NAALADL2: variants seen among roughly 807,000 people sequenced by gnomAD.
The protein encoded by NAALADL2 is N-acetylated alpha-linked acidic dipeptidase like 2.
NAALADL2 carries 76 observed loss-of-function variants against 87.2 expected under a neutral mutation model. That is an observed-to-expected ratio of 0.87 (90% CI 0.72 to 1.05). The LOEUF (loss-of-function observed/expected upper bound fraction) is 1.05, where lower values mean the gene tolerates loss of function less well. Among genes scored for constraint, NAALADL2 ranks in the 50% least tolerant of loss-of-function variants. NAALADL2 has a pLI of 0.00. For synonymous variants in NAALADL2, 354 were observed against 331.0 expected, an observed-to-expected ratio of 1.07 and a Z score of -0.75; for missense variants, 1,089 against 945.8, an observed-to-expected ratio of 1.15 and a Z score of -1.99.
At chr3:175,076,566 A>C (rs1320822833) in intron 1 of NAALADL2, among the ~76,000 whole-genome samples, 1 of 152,152 alleles carries the variant, frequency 6.6e-6, no homozygotes, top group Non-Finnish European at 1.5e-5. Context: ...GACCCTGCTA[A>C]TATTTCATGA....
intron 1 of NAALADL2, among the ~76,000 whole-genome samples, chr3:174,945,445 A>G (rs1445040808): frequency 2.0e-5 from 3 of 152,112 alleles, no homozygotes; most frequent in East Asian, 3.9e-4. Flanking sequence ...TAAAATTCTA[A>G]TCTTGAATCC....
At position 174,702,950 on chromosome 3, in the gene NAALADL2, G is replaced by A. The variant is rs376318489; in HGVS notation, c.-114-34691G>A. On this transcript the variant is annotated intron_variant, in intron 2 of 3. Transcript: ENST00000434257. ...ATGCTACATAAGATTCTGCCTCAGC[G>A]TTCAGAGTTCACACTGCTCTTGGGA... is the stretch of plus-strand genomic sequence containing the variant. 3.1e-3 allele frequency among the ~76,000 whole-genome samples: 466 copies of A among 152,240 alleles called. 9 individuals are homozygous for A. Among genetic ancestry groups the A allele is most frequent in the South Asian group, 0.018 (88 of 4,824 alleles).
chr3:174,658,300 A>G (rs1314271306), intron 2 of NAALADL2, among the ~76,000 whole-genome samples: 1 of 151,996 alleles, frequency 6.6e-6, no homozygotes, highest in Non-Finnish European at 1.5e-5. Flanking sequence ...AGTGTTACGC[A>G]TTTTCATCAT....
At chr3:175,621,391 A>G (rs1273537832) in intron 10 of NAALADL2, among the ~76,000 whole-genome samples, 3 of 152,192 alleles carry the variant, frequency 2.0e-5, no homozygotes, top group African/African-American at 7.2e-5. Flanking sequence ...TATGAATGTA[A>G]TATTTCCATG....
intron 9 of NAALADL2, among the ~76,000 whole-genome samples, chr3:175,537,477 A>T (rs542333142): frequency 6.6e-6 from 1 of 152,358 alleles, no homozygotes; most frequent in Admixed American, 6.5e-5. Flanking sequence ...GTTTATATTG[A>T]CTTTTACAAT....
chr3:174,746,044 A>G (rs1449286735), intron 3 of NAALADL2, among the ~76,000 whole-genome samples: 1 of 151,972 alleles, frequency 6.6e-6, no homozygotes, highest in African/African-American at 2.4e-5. Flanking sequence ...CTCTCTTACC[A>G]CTCCTATTCA....
chr3:175,696,936 A>C (rs1254245528), intron 11 of NAALADL2, among the ~76,000 whole-genome samples: 1 of 152,098 alleles, frequency 6.6e-6, no homozygotes, highest in Non-Finnish European at 1.5e-5. Context: ...CCACTTCTGC[A>C]ATAATGGCAT....
chr3:174,582,296 G>A (rs1017923693), intron 2 of NAALADL2, among the ~76,000 whole-genome samples: 2 of 152,170 alleles, frequency 1.3e-5, no homozygotes, highest in Non-Finnish European at 2.9e-5. Context: ...GAAATCAATA[G>A]CATGAATTAG....
intron 11 of NAALADL2, among the ~76,000 whole-genome samples, chr3:175,627,725 T>C (rs11914901): frequency 7.9e-5 from 12 of 151,722 alleles, no homozygotes; most frequent in African/African-American, 2.2e-4. Context: ...TAGGTATGTC[T>C]GTTGATTAAA....
chr3:175,633,956 T>C (rs1728161040), intron 11 of NAALADL2, among the ~76,000 whole-genome samples: 1 of 151,842 alleles, frequency 6.6e-6, no homozygotes, highest in Non-Finnish European at 1.5e-5. Flanking sequence ...TGATTTCCAT[T>C]ATATATGTGA....
At chr3:174,663,509 T>C (rs2108783623) in intron 2 of NAALADL2, among the ~76,000 whole-genome samples, 2 of 152,200 alleles carry the variant, frequency 1.3e-5, no homozygotes, top group South Asian at 2.1e-4. Context: ...GGGAGATGGC[T>C]TGTCACAGGG....
At chr3:175,459,983 A>C in intron 6 of NAALADL2, 1 of 314,908 alleles carries the variant, frequency 3.2e-6, no homozygotes, top group Non-Finnish European at 6.2e-6. Context: ...ATTTTATCAC[A>C]ATTCTCTAAG....
intron 11 of NAALADL2, among the ~76,000 whole-genome samples, chr3:175,727,241 C>A (rs1399924849): frequency 6.6e-6 from 1 of 152,092 alleles, no homozygotes; most frequent in Non-Finnish European, 1.5e-5. Context: ...CTGTTGGAGG[C>A]ATGGTGGTGA....
At chr3:174,472,504 G>A (rs898098928) in intron 1 of NAALADL2, among the ~76,000 whole-genome samples, 8 of 152,016 alleles carry the variant, frequency 5.3e-5, no homozygotes, top group African/African-American at 1.7e-4. Context: ...AAAAGAGGGA[G>A]GGATCACAAA....
intron 9 of NAALADL2, among the ~76,000 whole-genome samples, chr3:175,511,780 C>T (rs765639680): frequency 6.6e-5 from 10 of 152,170 alleles, no homozygotes; most frequent in Non-Finnish European, 1.3e-4. Context: ...ATAGAGTTTG[C>T]GCTTCTGCAT....
At chr3:175,012,954 C>G (rs1162370530) in intron 1 of NAALADL2, among the ~76,000 whole-genome samples, 1 of 131,146 alleles carries the variant, frequency 7.6e-6, no homozygotes, top group Non-Finnish European at 1.5e-5. Flanking sequence ...TCCAATATAG[C>G]CTAGATGTGT....
In NAALADL2 at chr3:175,704,821, C is replaced by G. The variant is rs183657950; in HGVS notation, c.1897-32485C>G. Reference sequence around the variant, plus strand: ...TATCAAGGTATCAAAGCTGAGTCAGCCCTAGAATCTGTCTTTGAAGTCCAG... The same window carrying G: ...TATCAAGGTATCAAAGCTGAGTCAGGCCTAGAATCTGTCTTTGAAGTCCAG... On this transcript the variant is annotated intron_variant, in intron 11 of 13. Coordinates refer to ENST00000454872, the MANE Select transcript of NAALADL2 (RefSeq NM_207015.3). 3.3e-5 allele frequency among the ~76,000 whole-genome samples: 5 copies of G among 152,270 alleles called. No individual in the cohort carries two copies. The East Asian group carries it at 5.8e-4, about 18-fold the overall frequency.
intron 1 of NAALADL2, among the ~76,000 whole-genome samples, chr3:174,943,179 G>A (rs143352842): frequency 4.1e-4 from 63 of 152,294 alleles, no homozygotes; most frequent in African/African-American, 1.5e-3. Flanking sequence ...TCCCTTAATT[G>A]CATTGTAGAT....
chr3:175,254,972 T>C lies in NAALADL2; in HGVS notation c.820-1439T>C, dbSNP rs769754666. 3.9e-5 allele frequency among the ~76,000 whole-genome samples: 6 copies of C among 152,328 alleles called. No individual in the cohort carries two copies. In the South Asian group the frequency reaches 1.0e-3, roughly 26 times the overall value. ...TATAATCATTTTGATTCAACCCTAC[T>C]GAGTCCATAGCATATGCTGGACACC... On this transcript the variant is annotated intron_variant, in intron 3 of 13. Transcript: ENST00000454872.
Sources: allele counts gnomAD v4.1 joint callset (sites outside exome capture counted in the v4.1 genomes callset), GRCh38; gene constraint gnomAD v4.1.1; transcripts MANE v1.5; gene names NCBI Gene and HGNC (gene_info 2026-07-23, HGNC 2026-07-21).